Variants in PLCG2 observed in about 807,000 individuals in gnomAD.
PLCG2 encodes phospholipase C gamma 2.
In PLCG2, 69 loss-of-function variants were observed where a neutral mutation model predicts 175.6. That is an observed-to-expected ratio of 0.39 (90% CI 0.32 to 0.48). The LOEUF (loss-of-function observed/expected upper bound fraction) is 0.48, where lower values mean the gene tolerates loss of function less well. Among genes scored for constraint, PLCG2 ranks in the 20% least tolerant of loss-of-function variants. The probability of loss-of-function intolerance (pLI) is 0.91; values close to 1 mark genes in which losing one functional copy is unlikely to be tolerated. For synonymous variants in PLCG2, 827 were observed against 624.0 expected (o/e 1.33, Z -4.85); for missense variants, 1,798 against 1,650.9 (o/e 1.09, Z -1.54).
At chr16:81,752,569 C>T (rs1341476972) in intron 1 of PLCG2, among the ~76,000 whole-genome samples, 2 of 152,214 alleles carry the variant, frequency 1.3e-5, no homozygotes, top group African/African-American at 2.4e-5. Context: ...CTTCAGCTTC[C>T]ATCTGAGGTC....
chr16:81,915,786 G>A (rs1437692384), intron 19 of PLCG2, among the ~76,000 whole-genome samples: 1 of 152,100 alleles, frequency 6.6e-6, no homozygotes, highest in African/African-American at 2.4e-5. Context: ...GCACCCCAGA[G>A]CCCCCCTGCC....
At chr16:81,942,617 C>G (rs1910990137) in intron 30 of PLCG2, among the ~76,000 whole-genome samples, 1 of 152,148 alleles carries the variant, frequency 6.6e-6, no homozygotes, top group Admixed American at 6.6e-5. Context: ...GTACCTTAAA[C>G]TCTTTCTCTT....
intron 2 of PLCG2, among the ~76,000 whole-genome samples, chr16:81,844,426 A>C (rs1453761100): frequency 6.6e-6 from 1 of 151,986 alleles, no homozygotes; most frequent in Non-Finnish European, 1.5e-5. Context: ...GGTTCAAGTG[A>C]TTCTCCTGCC....
At chr16:81,776,632 G>A (rs1443661393), upstream of PLCG2, among the ~76,000 whole-genome samples, 5 of 152,222 alleles carry the variant, frequency 3.3e-5, no homozygotes, top group Admixed American at 2.0e-4. Flanking sequence ...TTGGCTCACT[G>A]CAACCTCTGC....
At chr16:81,773,209 C>G (rs1238468528) in intron 2 of PLCG2, among the ~76,000 whole-genome samples, 2 of 152,216 alleles carry the variant, frequency 1.3e-5, no homozygotes, top group African/African-American at 4.8e-5. Flanking sequence ...AGTCTCTTCC[C>G]TTTCAGGTCT....
chr16:81,873,222 C>G (rs926731906), intron 7 of PLCG2, among the ~76,000 whole-genome samples: 1 of 152,118 alleles, frequency 6.6e-6, no homozygotes, highest in East Asian at 1.9e-4. Flanking sequence ...CTCACTTAGC[C>G]TTTTCTATAA....
At chr16:81,809,664 G>C (rs1018691998) in intron 2 of PLCG2, among the ~76,000 whole-genome samples, 1 of 152,120 alleles carries the variant, frequency 6.6e-6, no homozygotes, top group Non-Finnish European at 1.5e-5. Flanking sequence ...GGGACTTGCT[G>C]TTTTCTCTGT....
intron 14 of PLCG2, among the ~76,000 whole-genome samples, chr16:81,904,650 T>A (rs967938597): frequency 1.3e-5 from 2 of 152,176 alleles, no homozygotes; most frequent in Non-Finnish European, 2.9e-5. Flanking sequence ...TGGGCACAGG[T>A]GGTGTTGTTG....
At chr16:81,814,960 C>A (rs1362973221) in intron 2 of PLCG2, among the ~76,000 whole-genome samples, 3 of 152,204 alleles carry the variant, frequency 2.0e-5, no homozygotes, top group African/African-American at 7.2e-5. Flanking sequence ...ACGTCAGCTG[C>A]TGGAGATGGT....
At chr16:81,856,814 A>G (rs760876412) in intron 3 of PLCG2, among the ~76,000 whole-genome samples, 7 of 152,156 alleles carry the variant, frequency 4.6e-5, no homozygotes, top group Non-Finnish European at 7.4e-5. Flanking sequence ...GAGATGGGAA[A>G]TATCCTGGAC....
chr16:81,959,262 C>G lies in PLCG2; in HGVS notation c.*1264C>G, dbSNP rs1490028730. The G allele has an allele frequency of 8.9e-6, 2 of 223,698 alleles. No homozygotes were observed. Among genetic ancestry groups the G allele is most frequent in the African/African-American group, 2.2e-5 (1 of 44,894 alleles). The allele number at this position is 223,698 out of a possible 1,614,324, so 13.9% of individuals were successfully genotyped here. A position where few individuals can be genotyped will look rare whatever the true frequency, so the allele number is the denominator to read the frequency against. On this transcript the variant is annotated 3_prime_UTR_variant, in exon 33 of 33. Transcript: ENST00000564138. ...AGCCTGATGTTTGATGTGGATGGAA[C>G]TGGCCCCTAGAAACCCATCTGACCC...
At chr16:81,868,496 C>T (rs56676680) in intron 5 of PLCG2, among the ~76,000 whole-genome samples, 14,653 of 152,236 alleles carry the variant, frequency 0.096, 765 homozygotes, top group Middle Eastern at 0.15. Context: ...CCAAGCCCGT[C>T]CTGTGGTTTT....
intron 31 of PLCG2, among the ~76,000 whole-genome samples, chr16:81,949,631 C>T (rs140068325): frequency 1.3e-5 from 2 of 152,062 alleles, no homozygotes; most frequent in Non-Finnish European, 2.9e-5. Context: ...GAAAAGAAAA[C>T]TTTTAGATAG....
chr16:81,928,594 G>C lies in PLCG2; in HGVS notation c.2551G>C (p.Gly851Arg). Residue 851 changes from glycine (G) to arginine (R), a missense_variant, in exon 24 of 33, where the codon GGA becomes CGA. By Grantham distance (125) the Gly-to-Arg change is moderately radical. Coordinates refer to ENST00000564138, the MANE Select transcript of PLCG2 (RefSeq NM_002661.5). ...CAATCCCTTAGGGTCTCTTTGCAGA[G>C]GAATATTGGACCTCAATACCTATAA... Reference protein sequence around the residue: ...EDNPLGSLCRGILDLNTYNVV... With the variant: ...EDNPLGSLCRRILDLNTYNVV... 1 of 1,609,642 alleles carries C rather than the reference G, an allele frequency of 6.2e-7. No individual in the cohort carries two copies. The highest frequency in any genetic ancestry group is 8.5e-7 in the Non-Finnish European group (1 of 1,175,910).
At chr16:81,744,901 G>A (rs1489601691) in intron 1 of PLCG2, among the ~76,000 whole-genome samples, 16 of 152,124 alleles carry the variant, frequency 1.1e-4, no homozygotes. Context: ...CTGGAGAGGT[G>A]AAAAAGGGGG....
intron 14 of PLCG2, among the ~76,000 whole-genome samples, chr16:81,903,251 A>G (rs73596860): frequency 0.044 from 6,756 of 152,298 alleles, 448 homozygotes; most frequent in African/African-American, 0.15. Context: ...ACCCTATATT[A>G]TCACTGGGCC....
intron 2 of PLCG2, among the ~76,000 whole-genome samples, chr16:81,803,664 C>A (rs1464429645): frequency 4.3e-5 from 2 of 46,414 alleles, no homozygotes; most frequent in Non-Finnish European, 1.1e-4. Context: ...TCCCTCCCTC[C>A]CTTCCTTCCT....
intron 9 of PLCG2, among the ~76,000 whole-genome samples, chr16:81,886,289 T>G (rs954086545): frequency 2.0e-5 from 3 of 152,104 alleles, no homozygotes; most frequent in African/African-American, 7.2e-5. Flanking sequence ...GTGTAGGAAA[T>G]CTCTCTCTCT....
In PLCG2 at chr16:81,910,653, C is replaced by T. The variant is rs750403828; in HGVS notation, c.1867C>T (p.Arg623Cys). 29 of 1,613,876 alleles carry T rather than the reference C, an allele frequency of 1.8e-5. No homozygotes were observed. The highest frequency in any genetic ancestry group is 1.6e-4 in the Middle Eastern group (1 of 6,062). The change falls in exon 18 of 33, where the codon CGC becomes TGC. Residue 623 changes from arginine (R) to cysteine (C), a missense_variant. Physicochemically the swap from Arg to Cys is radical, Grantham distance 180 (BLOSUM62 -3). Coordinates refer to ENST00000564138, the MANE Select transcript of PLCG2 (RefSeq NM_002661.5). ...LIQHYRETHLRCAEFELRLTD... is the reference protein window; with the variant it reads ...LIQHYRETHLCCAEFELRLTD... The stretch of plus-strand genomic sequence containing the variant: ...CCAGCACTACCGCGAGACGCACCTG[C>T]GCTGCGCCGAGTTCGAGCTGCGGCT...
Sources: gnomAD v4.1 joint callset for allele counts (sites outside exome capture counted in the v4.1 genomes callset) on GRCh38, gnomAD v4.1.1 for gene constraint, MANE v1.5 for transcripts, NCBI Gene and HGNC (gene_info 2026-07-23, HGNC 2026-07-21) for gene names.